Variants in TYW1B observed in about 807,000 individuals in gnomAD.
The protein encoded by TYW1B is tRNA-yW synthesizing protein 1 homolog B.
In TYW1B, 73 loss-of-function variants were observed where a neutral mutation model predicts 86.9. The observed-to-expected ratio is 0.84, with a 90% CI of 0.70 to 1.02. The LOEUF (loss-of-function observed/expected upper bound fraction) is 1.02. Ranked by LOEUF, TYW1B falls within the 50% of genes least tolerant of loss-of-function variation. The pLI, the probability that TYW1B is intolerant of heterozygous loss-of-function variation, is 0.00. For missense variants in TYW1B, 637 were observed against 827.4 expected (o/e 0.77, Z 2.82); for synonymous variants, 248 against 292.8 (o/e 0.85, Z 1.56).
chr7:72,812,704 T>G (rs1164099694), intron 3 of TYW1B, among the ~76,000 whole-genome samples: 1 of 151,036 alleles, frequency 6.6e-6, no homozygotes, highest in East Asian at 1.9e-4. Context: ...TTTTGGGGTT[T>G]TTTTTTTTTT....
intron 4 of TYW1B, among the ~76,000 whole-genome samples, chr7:72,808,747 G>C (rs183241913): frequency 6.6e-6 from 1 of 151,802 alleles, no homozygotes; most frequent in East Asian, 1.9e-4. Flanking sequence ...GGCTGGGGTC[G>C]AACTCCCGAC....
At chr7:72,666,062 T>C (rs1210817516) in intron 11 of TYW1B, among the ~76,000 whole-genome samples, 2 of 152,124 alleles carry the variant, frequency 1.3e-5, no homozygotes, top group Admixed American at 1.3e-4. Context: ...CATAGTATGA[T>C]TATAACTATG....
chr7:72,679,385 G>A (rs1813815466), intron 11 of TYW1B, among the ~76,000 whole-genome samples: 1 of 152,170 alleles, frequency 6.6e-6, no homozygotes, highest in Admixed American at 6.5e-5. Context: ...CCCATCTGTA[G>A]GAGGATGAAT....
chr7:72,736,527 C>G (rs782452242), intron 8 of TYW1B, among the ~76,000 whole-genome samples: 2 of 151,836 alleles, frequency 1.3e-5, no homozygotes, highest in East Asian at 1.9e-4. Context: ...TGAAGAGGAG[C>G]CTCTACTTCA....
intron 5 of TYW1B, among the ~76,000 whole-genome samples, chr7:72,805,109 C>T (rs1295202654): frequency 6.6e-6 from 1 of 151,932 alleles, no homozygotes; most frequent in African/African-American, 2.4e-5. Flanking sequence ...TCGACACATT[C>T]CTCTGGTCCT....
rs368171802 is a variant in TYW1B, at chr7:72,627,456, G to GTAACATAACATAACATAACA, written c.1617+1411_1617+1430dup. On this transcript the variant is annotated intron_variant, in intron 12 of 13. Coordinates refer to ENST00000620995, the MANE Select transcript of TYW1B (RefSeq NM_001145440.3). Reference sequence around the variant, plus strand: ...GAGTGAGACTTCATCTCAAAAAACAGTAACATAACATAACATAACATAACA... The same window carrying GTAACATAACATAACATAACA: ...GAGTGAGACTTCATCTCAAAAAACAGTAACATAACATAACATAACATAACATAACATAACATAACATAACA... 2.2e-4 allele frequency among the ~76,000 whole-genome samples: 27 copies of GTAACATAACATAACATAACA among 124,614 alleles called. 1 individual carries two copies. The highest frequency in any genetic ancestry group is 5.6e-4 in the South Asian group (2 of 3,562). The allele number at this position is 124,614 out of a possible 152,430, so 81.8% of individuals were successfully genotyped here. A position where few individuals can be genotyped will look rare whatever the true frequency, so the allele number is the denominator to read the frequency against.
chr7:72,601,098 G>A (rs1395285378), intron 13 of TYW1B, among the ~76,000 whole-genome samples: 2 of 151,216 alleles, frequency 1.3e-5, no homozygotes, highest in African/African-American at 2.4e-5. Flanking sequence ...CTGAGATCTC[G>A]CCATTGCACT....
intron 9 of TYW1B, among the ~76,000 whole-genome samples, chr7:72,714,602 G>A (rs1400851181): frequency 6.6e-6 from 1 of 150,942 alleles, no homozygotes; most frequent in Non-Finnish European, 1.5e-5. Flanking sequence ...CAGCCTGGAT[G>A]ACAGAGCAAG....
chr7:72,685,440 G>A (rs1274832056), intron 11 of TYW1B, among the ~76,000 whole-genome samples: 3 of 152,176 alleles, frequency 2.0e-5, no homozygotes, highest in South Asian at 2.1e-4. Flanking sequence ...TGAAATGTAT[G>A]TGATATTGTT....
At chr7:72,633,111 A>G (rs1489229047) in intron 11 of TYW1B, among the ~76,000 whole-genome samples, 1 of 152,258 alleles carries the variant, frequency 6.6e-6, no homozygotes, top group Admixed American at 6.5e-5. Flanking sequence ...ACAGTTTACA[A>G]ATGCCATGCA....
At chr7:72,819,590 G>A (rs1168289095) in intron 2 of TYW1B, among the ~76,000 whole-genome samples, 1 of 152,216 alleles carries the variant, frequency 6.6e-6, no homozygotes, top group African/African-American at 2.4e-5. Flanking sequence ...ACGCCACCAT[G>A]CCTGACTAAT....
intron 7 of TYW1B, among the ~76,000 whole-genome samples, chr7:72,753,008 A>C (rs895431936): frequency 2.0e-5 from 3 of 152,142 alleles, no homozygotes; most frequent in Non-Finnish European, 4.4e-5. Flanking sequence ...CTTCAAGTAA[A>C]ACAACTCCTA....
intron 11 of TYW1B, among the ~76,000 whole-genome samples, chr7:72,662,160 C>A (rs1813343453): frequency 6.6e-6 from 1 of 152,152 alleles, no homozygotes; most frequent in Admixed American, 6.6e-5. Flanking sequence ...CAGATATTTT[C>A]AAAGAACATA....
intron 12 of TYW1B, among the ~76,000 whole-genome samples, chr7:72,627,999 G>C (rs11981144): frequency 0.22 from 34,037 of 152,094 alleles, 4,469 homozygotes; most frequent in African/African-American, 0.37. Context: ...TGTTTCGAAA[G>C]AATACACATC....
At chr7:72,597,601 A>G (rs1486519211) in intron 13 of TYW1B, among the ~76,000 whole-genome samples, 1 of 152,028 alleles carries the variant, frequency 6.6e-6, no homozygotes, top group South Asian at 2.1e-4. Flanking sequence ...TCTCGGCTGA[A>G]CTAGACACAC....
chr7:72,752,497 G>A (rs923863284), intron 7 of TYW1B, among the ~76,000 whole-genome samples: 6 of 152,100 alleles, frequency 3.9e-5, no homozygotes, highest in Non-Finnish European at 7.4e-5. Context: ...TTGGGAGCCC[G>A]AGGCAGGTGG....
chr7:72,685,420 TC>T (rs1813986954), intron 11 of TYW1B, among the ~76,000 whole-genome samples: 1 of 152,156 alleles, frequency 6.6e-6, no homozygotes, highest in African/African-American at 2.4e-5. Context: ...TCCAACTATA[TC>T]AGATCCCCTG....
intron 9 of TYW1B, among the ~76,000 whole-genome samples, chr7:72,721,660 A>ACACGCACATG (rs1786906076): frequency 6.6e-6 from 1 of 152,060 alleles, no homozygotes; most frequent in Non-Finnish European, 1.5e-5. Flanking sequence ...AGGCACACAT[A>ACACGCACATG]CACGCACATG....
intron 3 of TYW1B, among the ~76,000 whole-genome samples, chr7:72,813,254 C>T (rs1466152181): frequency 6.7e-5 from 10 of 149,852 alleles, no homozygotes; most frequent in Admixed American, 6.1e-4. Flanking sequence ...CGGCTCACTG[C>T]GACCTCCACC....
Sources: gnomAD v4.1 joint callset for allele counts (sites outside exome capture counted in the v4.1 genomes callset) on GRCh38, gnomAD v4.1.1 for gene constraint, MANE v1.5 for transcripts, NCBI Gene and HGNC (gene_info 2026-07-23, HGNC 2026-07-21) for gene names.